The following COA1 variants were observed in gnomAD, a reference collection of about 807,000 sequenced individuals.
COA1 encodes the protein cytochrome c oxidase assembly factor 1 homolog.
Under a neutral mutation model 16.0 loss-of-function variants are expected in COA1, and 13 were observed. The ratio of observed to expected loss-of-function variants is 0.81; its 90% confidence interval spans 0.53 to 1.29. The LOEUF is 1.29. COA1 is among the 50% of genes most tolerant of loss of function. The pLI, the probability that COA1 is intolerant of heterozygous loss-of-function variation, is 0.00. For missense variants in COA1, 179 were observed against 177.0 expected, an observed-to-expected ratio of 1.01 and a Z score of -0.06; for synonymous variants, 65 against 65.7, an observed-to-expected ratio of 0.99 and a Z score of 0.05.
chr7:43,624,734 A>G (rs1801821), intron 6 of COA1: 1 of 1,614,060 alleles, frequency 6.2e-7, no homozygotes. Flanking sequence ...ATACTCTAGG[A>G]CAATGCAGAC....
At chr7:43,639,742 C>CA (rs1016909385) in intron 5 of COA1, 61 bp from the exon 6 acceptor site, 89 of 1,317,032 alleles carry the variant, frequency 6.8e-5, no homozygotes, top group Middle Eastern at 3.7e-4. Flanking sequence ...CAGCCGTAGT[C>CA]AAAAAAAGGG....
intron 1 of COA1, among the ~76,000 whole-genome samples, chr7:43,715,493 G>C (rs937900406): frequency 3.3e-5 from 5 of 149,998 alleles, no homozygotes; most frequent in African/African-American, 1.2e-4. Flanking sequence ...AAAAAAAAAA[G>C]AGTATGTTGC....
At chr7:43,663,071 G>A (rs2092593824) in intron 1 of COA1, among the ~76,000 whole-genome samples, 1 of 152,192 alleles carries the variant, frequency 6.6e-6, no homozygotes, top group African/African-American at 2.4e-5. Flanking sequence ...GATTTCTCTT[G>A]AATGAGTTGG....
intron 5 of COA1, 144 bp downstream of exon 5, chr7:43,640,429 G>A (rs868706227): frequency 2.9e-6 from 2 of 681,114 alleles, no homozygotes; most frequent in Middle Eastern, 2.7e-4. Flanking sequence ...TGCTGCCCAG[G>A]CCACGAAGCT....
intron 1 of COA1, among the ~76,000 whole-genome samples, chr7:43,702,579 G>A (rs944101846): frequency 3.3e-5 from 5 of 151,830 alleles, no homozygotes; most frequent in African/African-American, 1.2e-4. Flanking sequence ...GCCATTTTTG[G>A]GTTCAATCTT....
At chr7:43,648,414 G>C (rs750702268) in intron 2 of COA1, 186 bp downstream of exon 2, 1 of 726,940 alleles carries the variant, frequency 1.4e-6, no homozygotes, top group African/African-American at 1.7e-5. Context: ...CATGAGACAC[G>C]AGAGAAAGAC....
At chr7:43,718,893 C>T (rs1310992899) in intron 1 of COA1, among the ~76,000 whole-genome samples, 1 of 151,930 alleles carries the variant, frequency 6.6e-6, no homozygotes, top group Non-Finnish European at 1.5e-5. Context: ...TTTCCATGTC[C>T]ATTGGGTTTT....
In COA1 at chr7:43,623,061, AT is replaced by A. The variant is rs565209042; in HGVS notation, c.*134-13567del. On this transcript the variant is annotated intron_variant and NMD_transcript_variant, in intron 6 of 6. Transcript: ENST00000415076. ...CATGCCTGTAGTGTCAGAATGCCCAATTTTTTTTTTTAACCTTGTTGACTTT... is the reference window on the plus strand; with the variant it reads ...CATGCCTGTAGTGTCAGAATGCCCAATTTTTTTTTTAACCTTGTTGACTTT... The A allele has an allele frequency of 2.9e-3, 430 of 148,698 alleles. 1 individual carries two copies. The highest frequency in any genetic ancestry group is 4.4e-3 in the Non-Finnish European group (296 of 67,138). The allele number at this position is 148,698 out of a possible 1,614,324, so 9.2% of individuals were successfully genotyped here.
intron 1 of COA1, among the ~76,000 whole-genome samples, chr7:43,717,465 A>AGGT (rs2095418034): frequency 6.6e-6 from 1 of 152,102 alleles, no homozygotes; most frequent in Non-Finnish European, 1.5e-5. Flanking sequence ...AATTTCTCCT[A>AGGT]TTTGGAATGA....
intron 1 of COA1, among the ~76,000 whole-genome samples, chr7:43,708,291 C>A (rs1450889838): frequency 6.6e-6 from 1 of 152,154 alleles, no homozygotes; most frequent in Admixed American, 6.5e-5. Flanking sequence ...GAGAACTCAT[C>A]TCTACAAAAA....
intron 1 of COA1, among the ~76,000 whole-genome samples, chr7:43,711,807 G>C (rs527983340): frequency 5.9e-5 from 9 of 152,298 alleles, no homozygotes; most frequent in Non-Finnish European, 1.2e-4. Context: ...AAAAGGTGCA[G>C]TACAAATATA....
chr7:43,659,644 CA>C (rs1163234834), intron 1 of COA1, among the ~76,000 whole-genome samples: 1 of 152,100 alleles, frequency 6.6e-6, no homozygotes, highest in Admixed American at 6.6e-5. Flanking sequence ...TCAGTGACTA[CA>C]AAAGGAATCT....
chr7:43,652,103 C>T (rs1382812785), intron 1 of COA1, among the ~76,000 whole-genome samples: 2 of 152,144 alleles, frequency 1.3e-5, no homozygotes, highest in Non-Finnish European at 2.9e-5. Flanking sequence ...CTCAAGTAGT[C>T]GCAATCTGCA....
intron 6 of COA1, among the ~76,000 whole-genome samples, chr7:43,629,937 T>C (rs1304232202): frequency 6.6e-6 from 1 of 152,142 alleles, no homozygotes; most frequent in Non-Finnish European, 1.5e-5. Context: ...TAATTTTGGG[T>C]TTCTTTTTTA....
intron 1 of COA1, among the ~76,000 whole-genome samples, chr7:43,671,669 G>A (rs75197390): frequency 0.018 from 2,769 of 152,194 alleles, 61 homozygotes; most frequent in African/African-American, 0.061. Flanking sequence ...TGCAAACTAC[G>A]TGATATGGTT....
chr7:43,677,917 T>A (rs2093610172), intron 1 of COA1, among the ~76,000 whole-genome samples: 1 of 151,796 alleles, frequency 6.6e-6, no homozygotes, highest in South Asian at 2.1e-4. Flanking sequence ...TTATACAAAA[T>A]ATATACATAT....
intron 6 of COA1, among the ~76,000 whole-genome samples, chr7:43,617,076 C>G (rs1458495477): frequency 1.3e-5 from 2 of 152,190 alleles, no homozygotes; most frequent in African/African-American, 2.4e-5. Context: ...CAAATTCACT[C>G]TTGTGAGAGG....
At chr7:43,710,347 T>G (rs867995058) in intron 1 of COA1, among the ~76,000 whole-genome samples, 32 of 27,354 alleles carry the variant, frequency 1.2e-3, no homozygotes, top group African/African-American at 5.0e-3. Flanking sequence ...AGACTCTGTC[T>G]CAAAAAAAAA....
chr7:43,650,414 A>G (rs2090503045), intron 1 of COA1: 1 of 152,258 alleles, frequency 6.6e-6, no homozygotes, highest in South Asian at 2.1e-4. Flanking sequence ...GAAAATAGGT[A>G]AGGAAATGAA....
Sources: gnomAD v4.1 joint callset for allele counts (sites outside exome capture counted in the v4.1 genomes callset) on GRCh38, gnomAD v4.1.1 for gene constraint, MANE v1.5 for transcripts, NCBI Gene and HGNC (gene_info 2026-07-23, HGNC 2026-07-21) for gene names.